BMPER: variants seen among roughly 807,000 people sequenced by gnomAD.
BMPER encodes BMP-binding endothelial regulator protein.
A neutral mutation model predicts 87.3 loss-of-function variants in BMPER; 45 were observed. That is an observed-to-expected ratio of 0.52 (90% CI 0.41 to 0.66). The LOEUF (loss-of-function observed/expected upper bound fraction) is 0.66. Ranked by LOEUF, BMPER falls within the 30% of genes least tolerant of loss-of-function variation. The pLI is 0.00. For synonymous variants in BMPER, 326 were observed against 316.2 expected (o/e 1.03, Z -0.33); for missense variants, 784 against 867.5 (o/e 0.90, Z 1.21).
chr7:34,153,347 C>T lies in BMPER; in HGVS notation c.*74C>T. ...AAGCGGAAGAGCCAATGAAGGACTG[C>T]AGTATTTGTGTGCCCGATTCTGTAA... On this transcript the variant is annotated 3_prime_UTR_variant, in exon 15 of 15. Coordinates refer to ENST00000649409, the MANE Select transcript of BMPER (RefSeq NM_001365308.1). 1 of 1,528,306 alleles carries T rather than the reference C, an allele frequency of 6.5e-7. No homozygotes were observed. Among genetic ancestry groups the T allele is most frequent in the South Asian group, 1.1e-5 (1 of 88,738 alleles). The allele number at this position is 1,528,306 out of a possible 1,614,324, so 94.7% of individuals were successfully genotyped here. A position where few individuals can be genotyped will look rare whatever the true frequency, so the allele number is the denominator to read the frequency against.
At chr7:34,137,227 G>C (rs991828043) in intron 13 of BMPER, among the ~76,000 whole-genome samples, 2 of 152,202 alleles carry the variant, frequency 1.3e-5, no homozygotes, top group Non-Finnish European at 2.9e-5. Context: ...CAGGAGAGGA[G>C]TGCAATAAGT....
At chr7:33,990,113 C>G (rs1264834258) in intron 6 of BMPER, among the ~76,000 whole-genome samples, 3 of 149,530 alleles carry the variant, frequency 2.0e-5, no homozygotes, top group Admixed American at 6.8e-5. Context: ...TTTTTTGGTG[C>G]CATATGAACT....
At position 34,143,228 on chromosome 7, in the gene BMPER, A is replaced by G. The variant is rs1419952172; in HGVS notation, c.1746-2A>G. ...TTTCTATCTCTCTTTTGGGTCCTATAGGTCCTGTGTGACAGACATGTGTGA... is the reference window on the plus strand; with the variant it reads ...TTTCTATCTCTCTTTTGGGTCCTATGGGTCCTGTGTGACAGACATGTGTGA... On this transcript the variant is annotated splice_acceptor_variant, in intron 13 of 14. Coordinates refer to ENST00000649409, the MANE Select transcript of BMPER (RefSeq NM_001365308.1). LOFTEE classifies it high-confidence loss of function. 5 of 1,613,986 alleles carry G rather than the reference A, an allele frequency of 3.1e-6. No homozygotes were observed. The highest frequency in any genetic ancestry group is 4.2e-6 in the Non-Finnish European group (5 of 1,179,892).
chr7:33,931,295 C>G (rs917270116), intron 2 of BMPER, among the ~76,000 whole-genome samples: 3 of 152,202 alleles, frequency 2.0e-5, no homozygotes, highest in Non-Finnish European at 4.4e-5. Context: ...GCTTTACAAA[C>G]TAACCTTCCC....
At chr7:34,008,468 T>G (rs2127939456) in intron 6 of BMPER, among the ~76,000 whole-genome samples, 1 of 152,106 alleles carries the variant, frequency 6.6e-6, no homozygotes, top group South Asian at 2.1e-4. Context: ...ATTTCCCAGT[T>G]TTTTTTCAAT....
At chr7:34,132,155 C>T (rs570656914) in intron 13 of BMPER, among the ~76,000 whole-genome samples, 5 of 152,246 alleles carry the variant, frequency 3.3e-5, no homozygotes, top group African/African-American at 1.2e-4. Context: ...TGCCGTGGGA[C>T]AATTGTGTAG....
At chr7:34,129,582 GA>G (rs1790499208) in intron 13 of BMPER, among the ~76,000 whole-genome samples, 3 of 29,648 alleles carry the variant, frequency 1.0e-4, no homozygotes, top group South Asian at 4.2e-3. Flanking sequence ...AGGAAGGAGA[GA>G]GAGAGAGAGA....
chr7:33,930,055 C>T (rs970002697), intron 2 of BMPER, among the ~76,000 whole-genome samples: 1 of 152,214 alleles, frequency 6.6e-6, no homozygotes, highest in Non-Finnish European at 1.5e-5. Context: ...CAAAGGGCCA[C>T]AGTTGACACC....
At chr7:33,920,525 A>G (rs570079894) in intron 2 of BMPER, among the ~76,000 whole-genome samples, 101 of 144,442 alleles carry the variant, frequency 7.0e-4, no homozygotes, top group African/African-American at 2.5e-3. Flanking sequence ...TCCTGGGTTC[A>G]AGTGATTCTC....
intron 11 of BMPER, 73 bp downstream of exon 11, chr7:34,062,120 G>T (rs1050290148): frequency 1.3e-5 from 17 of 1,354,504 alleles, no homozygotes; most frequent in Non-Finnish European, 1.7e-5. Flanking sequence ...AAAAATAGGG[G>T]TGTATGTTTC....
intron 3 of BMPER, among the ~76,000 whole-genome samples, chr7:33,941,028 T>A (rs1384777899): frequency 3.0e-5 from 4 of 134,708 alleles, no homozygotes; most frequent in East Asian, 2.0e-4. Context: ...TTACATATAA[T>A]TTATATATTT....
chr7:34,045,109 C>T (rs911916940), intron 6 of BMPER, among the ~76,000 whole-genome samples: 2 of 152,074 alleles, frequency 1.3e-5, no homozygotes, highest in African/African-American at 4.8e-5. Flanking sequence ...AAGCAACCTG[C>T]GGGTACTAGT....
chr7:34,000,162 G>C (rs1786541084), intron 6 of BMPER, among the ~76,000 whole-genome samples: 1 of 152,188 alleles, frequency 6.6e-6, no homozygotes, highest in South Asian at 2.1e-4. Flanking sequence ...TAGGAACAGT[G>C]TGACCAAATT....
intron 12 of BMPER, among the ~76,000 whole-genome samples, chr7:34,085,237 C>T (rs1386123759): frequency 6.6e-6 from 1 of 152,096 alleles, no homozygotes; most frequent in African/African-American, 2.4e-5. Context: ...TATTCAGAAA[C>T]TAAATATTGA....
At chr7:33,941,052 A>G (rs1784748088) in intron 3 of BMPER, among the ~76,000 whole-genome samples, 1 of 134,586 alleles carries the variant, frequency 7.4e-6, no homozygotes, top group South Asian at 2.1e-4. Context: ...TATAATTTAT[A>G]TGTAATATAT....
At chr7:34,015,339 T>C (rs544044073) in intron 6 of BMPER, among the ~76,000 whole-genome samples, 3 of 151,984 alleles carry the variant, frequency 2.0e-5, no homozygotes, top group Non-Finnish European at 4.4e-5. Context: ...GAAGATCAGA[T>C]GATTTGTTAA....
At chr7:33,972,194 C>T (rs1349415566) in intron 5 of BMPER, among the ~76,000 whole-genome samples, 5 of 152,162 alleles carry the variant, frequency 3.3e-5, no homozygotes, top group African/African-American at 1.2e-4. Flanking sequence ...TGAGCCCCTA[C>T]GCCCGGCCGA....
intron 9 of BMPER, among the ~76,000 whole-genome samples, chr7:34,056,978 T>G (rs1301888545): frequency 6.6e-6 from 1 of 152,198 alleles, no homozygotes; most frequent in African/African-American, 2.4e-5. Context: ...CTTAAAATAA[T>G]TCACGGAGAC....
intron 10 of BMPER, 136 bp downstream of exon 10, chr7:34,058,299 C>G: frequency 2.4e-6 from 2 of 827,706 alleles, no homozygotes; most frequent in Non-Finnish European, 2.0e-6. Context: ...TCAAATGCCT[C>G]TTGCAAAGTT....
Sources: gnomAD v4.1 joint callset for allele counts (sites outside exome capture counted in the v4.1 genomes callset) on GRCh38, gnomAD v4.1.1 for gene constraint, MANE v1.5 for transcripts, NCBI Gene and HGNC (gene_info 2026-07-23, HGNC 2026-07-21) for gene names.